CSMD1: variants seen among roughly 807,000 people sequenced by gnomAD.
CSMD1 encodes CUB and sushi domain-containing protein 1.
In CSMD1, 213 loss-of-function variants were observed where a neutral mutation model predicts 417.5. The ratio of observed to expected loss-of-function variants is 0.51; its 90% CI spans 0.46 to 0.57. The LOEUF (loss-of-function observed/expected upper bound fraction) is 0.57. CSMD1 is among the 20% of genes least tolerant of loss of function. CSMD1 has a pLI of 0.00. For synonymous variants in CSMD1, 2,862 were observed against 1,736.8 expected (o/e 1.65, Z -16.11); for missense variants, 6,923 against 4,529.7 (o/e 1.53, Z -15.17).
rs143776141 is a variant in CSMD1 at position 3,534,885 on chromosome 8, G to C, written c.1344+40060C>G. Among the ~76,000 whole-genome samples, 4 of 152,280 alleles carry C rather than the reference G, an allele frequency of 2.6e-5. No individual in the cohort carries two copies. The East Asian group carries it at 5.8e-4, about 22-fold the overall frequency. On this transcript the variant is annotated intron_variant, in intron 10 of 69. Transcript: ENST00000635120. ...TCATCAACCATCTGGGAGCTACTTG[G>C]TACAAATGGTTTAGTCCAGAATTCA...
intron 11 of CSMD1, among the ~76,000 whole-genome samples, chr8:3,477,694 G>C (rs1484214427): frequency 6.6e-6 from 1 of 152,188 alleles, no homozygotes; most frequent in Non-Finnish European, 1.5e-5. Flanking sequence ...AGCCAAACCA[G>C]AAGGAATTTA....
Position 3,793,141 on chromosome 8 carries a change from G to A in CSMD1, c.819-39099C>T, listed in dbSNP as rs185958613. On this transcript the variant is annotated intron_variant, in intron 5 of 69. Coordinates refer to ENST00000635120, the MANE Select transcript of CSMD1 (RefSeq NM_033225.6). The stretch of plus-strand genomic sequence containing the variant: ...CCCACAAGAGTGGAAGGAACTGCTC[G>A]AATAATTTACCACTTTGCAGAGGGG... 2.7e-4 allele frequency among the ~76,000 whole-genome samples: 41 copies of A among 152,180 alleles called. 1 individual carries two copies. The highest frequency in any genetic ancestry group is 3.4e-3 in the Middle Eastern group (1 of 294).
chr8:3,601,197 G>A (rs1007892103), intron 8 of CSMD1, among the ~76,000 whole-genome samples: 6 of 152,134 alleles, frequency 3.9e-5, no homozygotes, highest in Admixed American at 3.9e-4. Context: ...CCTGTTCATG[G>A]GAGCTGCTCA....
intron 1 of CSMD1, among the ~76,000 whole-genome samples, chr8:4,916,421 T>C (rs1369363066): frequency 6.6e-6 from 1 of 152,266 alleles, no homozygotes; most frequent in African/African-American, 2.4e-5. Context: ...CATATAAATA[T>C]GGCTTTCATT....
chr8:3,245,107 T>G (rs771068456), intron 26 of CSMD1, among the ~76,000 whole-genome samples: 6 of 152,208 alleles, frequency 3.9e-5, no homozygotes, highest in Non-Finnish European at 8.8e-5. Context: ...AGATCATGAA[T>G]TTCGTTAATT....
intron 3 of CSMD1, among the ~76,000 whole-genome samples, chr8:4,106,861 C>A (rs775411527): frequency 1.3e-5 from 2 of 152,074 alleles, no homozygotes; most frequent in Admixed American, 6.6e-5. Context: ...AAAACTGCCC[C>A]GCATTTCTTC....
chr8:4,757,659 G>T (rs905598291), intron 1 of CSMD1, among the ~76,000 whole-genome samples: 1 of 152,054 alleles, frequency 6.6e-6, no homozygotes, highest in Admixed American at 6.6e-5. Flanking sequence ...TCATAATTTT[G>T]TGTAAAAAGC....
chr8:4,926,459 G>C (rs1806880002), intron 1 of CSMD1, among the ~76,000 whole-genome samples: 1 of 152,100 alleles, frequency 6.6e-6, no homozygotes, highest in African/African-American at 2.4e-5. Context: ...TCTACTAGAA[G>C]CTTTGGAATT....
At chr8:4,501,284 G>C (rs963421159) in intron 2 of CSMD1, among the ~76,000 whole-genome samples, 1 of 151,990 alleles carries the variant, frequency 6.6e-6, no homozygotes, top group Non-Finnish European at 1.5e-5. Flanking sequence ...TCCCCGAACA[G>C]GATGCTTAAA....
intron 6 of CSMD1, among the ~76,000 whole-genome samples, chr8:3,746,290 C>T (rs1051518229): frequency 2.6e-5 from 4 of 152,198 alleles, no homozygotes; most frequent in East Asian, 1.9e-4. Context: ...GATAACCTAC[C>T]TGAACTTTAT....
At chr8:4,870,523 G>C (rs1802676844) in intron 1 of CSMD1, among the ~76,000 whole-genome samples, 1 of 152,192 alleles carries the variant, frequency 6.6e-6, no homozygotes, top group East Asian at 1.9e-4. Flanking sequence ...ACTTGGCCAA[G>C]GAGTCTGCAT....
chr8:3,244,561 G>C (rs1466797040), intron 26 of CSMD1, among the ~76,000 whole-genome samples: 1 of 152,152 alleles, frequency 6.6e-6, no homozygotes, highest in Non-Finnish European at 1.5e-5. Context: ...CTAGGTCGCT[G>C]CAGACATCAG....
chr8:4,241,290 C>T (rs902332532), intron 3 of CSMD1, among the ~76,000 whole-genome samples: 1 of 152,200 alleles, frequency 6.6e-6, no homozygotes, highest in African/African-American at 2.4e-5. Context: ...AATTCATTCC[C>T]TTTACCTGCT....
intron 3 of CSMD1, among the ~76,000 whole-genome samples, chr8:4,313,507 GAA>G (rs34466873): frequency 1.0e-4 from 14 of 136,792 alleles, no homozygotes; most frequent in East Asian, 4.3e-4. Flanking sequence ...ATGTCAAAAT[GAA>G]AAAAAAAAAA....
At chr8:4,833,382 C>T (rs115121946) in intron 1 of CSMD1, among the ~76,000 whole-genome samples, 1 of 152,128 alleles carries the variant, frequency 6.6e-6, no homozygotes, top group Admixed American at 6.5e-5. Flanking sequence ...ACAACCAGCT[C>T]TCAAGAGAAC....
chr8:4,946,875 G>T (rs372516355), intron 1 of CSMD1, among the ~76,000 whole-genome samples: 3 of 151,850 alleles, frequency 2.0e-5, no homozygotes, highest in African/African-American at 4.8e-5. Context: ...TCATAGCCAT[G>T]ATTTAATAAT....
At chr8:3,450,796 G>A (rs951067100) in intron 12 of CSMD1, among the ~76,000 whole-genome samples, 2 of 151,852 alleles carry the variant, frequency 1.3e-5, no homozygotes, top group African/African-American at 4.8e-5. Context: ...TGTCTTTATA[G>A]CAGCATGATT....
intron 4 of CSMD1, among the ~76,000 whole-genome samples, chr8:4,017,553 A>G (rs1027970939): frequency 2.0e-4 from 31 of 152,102 alleles, no homozygotes; most frequent in African/African-American, 7.2e-4. Flanking sequence ...TGATCCACCC[A>G]CCTTGGTCTC....
chr8:4,912,021 C>T (rs1056248926), intron 1 of CSMD1, among the ~76,000 whole-genome samples: 6 of 149,768 alleles, frequency 4.0e-5, no homozygotes, highest in African/African-American at 1.2e-4. Context: ...CTTCTGTAAC[C>T]TTTATTAAAG....
Sources: gnomAD v4.1 joint callset for allele counts (sites outside exome capture counted in the v4.1 genomes callset) on GRCh38, gnomAD v4.1.1 for gene constraint, MANE v1.5 for transcripts, NCBI Gene and HGNC (gene_info 2026-07-23, HGNC 2026-07-21) for gene names.